Variants in SYT10 observed in about 807,000 individuals in gnomAD.
The protein encoded by SYT10 is synaptotagmin-10.
Under a neutral mutation model 51.1 loss-of-function variants are expected in SYT10, and 31 were observed. That is an observed-to-expected ratio of 0.61 (90% CI 0.46 to 0.82). SYT10 has a LOEUF of 0.82. Among genes scored for constraint, SYT10 ranks in the 40% least tolerant of loss-of-function variants. The pLI is 0.00. For missense variants in SYT10, 603 were observed against 634.0 expected, an observed-to-expected ratio of 0.95 and a Z score of 0.53; for synonymous variants, 233 against 225.9, an observed-to-expected ratio of 1.03 and a Z score of -0.28.
rs530988846 is a variant in SYT10 at position 33,376,784 on chromosome 12, G to C, written c.*46C>G. Reference sequence around the variant, plus strand: ...TTCCACTTTTTTTCTGATTCAATGAGCACGTGATCCTAGATGCTTAATATC... The same window carrying C: ...TTCCACTTTTTTTCTGATTCAATGACCACGTGATCCTAGATGCTTAATATC... On this transcript the variant is annotated 3_prime_UTR_variant, in exon 7 of 7. Coordinates refer to ENST00000228567, the MANE Select transcript of SYT10 (RefSeq NM_198992.4). The C allele has an allele frequency of 2.8e-5, 45 of 1,605,008 alleles. 1 individual carries two copies. The South Asian group carries it at 4.5e-4, about 16-fold the overall frequency.
At chr12:33,431,963 T>G (rs1355407329) in intron 1 of SYT10, among the ~76,000 whole-genome samples, 1 of 152,156 alleles carries the variant, frequency 6.6e-6, no homozygotes, top group Admixed American at 6.5e-5. Flanking sequence ...ACACTTTTTA[T>G]GGCATAGAAT....
chr12:33,390,125 G>A (rs910102692), intron 3 of SYT10, among the ~76,000 whole-genome samples: 1 of 152,200 alleles, frequency 6.6e-6, no homozygotes, highest in Admixed American at 6.5e-5. Context: ...GTCTGGTCAA[G>A]CCCTTTCAGG....
At chr12:33,411,715 T>G (rs1339081388) in intron 2 of SYT10, among the ~76,000 whole-genome samples, 1 of 152,072 alleles carries the variant, frequency 6.6e-6, no homozygotes, top group Non-Finnish European at 1.5e-5. Flanking sequence ...AGTATACACA[T>G]AAAAAAGTCT....
intron 2 of SYT10, among the ~76,000 whole-genome samples, chr12:33,418,336 C>T (rs1009367700): frequency 1.3e-5 from 2 of 152,136 alleles, no homozygotes; most frequent in Admixed American, 6.6e-5. Context: ...AACCTCTCAA[C>T]GCTCAGAAAT....
intron 3 of SYT10, among the ~76,000 whole-genome samples, chr12:33,403,381 G>A (rs1239959406): frequency 6.6e-6 from 1 of 151,716 alleles, no homozygotes; most frequent in East Asian, 1.9e-4. Flanking sequence ...ACAGCTGCTT[G>A]CCACCATGCC....
rs71068378 is a variant in SYT10, at chr12:33,392,985, T to TAAAAAAAAAAAAAAA, written c.1078-7709_1078-7695dup. ...CAAAAATAATTGTGGTTTTTGCCATTAAAAAAAAAAAAAAAAAAAAAAAAA... is the reference window on the plus strand; with the variant it reads ...CAAAAATAATTGTGGTTTTTGCCATTAAAAAAAAAAAAAAAAAAAAAAAAAAAAAAAAAAAAAAAA... On this transcript the variant is annotated intron_variant, in intron 3 of 6. Coordinates refer to ENST00000228567, the MANE Select transcript of SYT10 (RefSeq NM_198992.4). Among the ~76,000 whole-genome samples, 59 of 59,080 alleles carry TAAAAAAAAAAAAAAA rather than the reference T, an allele frequency of 1.0e-3. 1 individual carries two copies. Among genetic ancestry groups the TAAAAAAAAAAAAAAA allele is most frequent in the East Asian group, 4.6e-3 (5 of 1,080 alleles). The allele number at this position is 59,080 out of a possible 152,430, so 38.8% of individuals were successfully genotyped here. A position where few individuals can be genotyped will look rare whatever the true frequency, so the allele number is the denominator to read the frequency against.
chr12:33,419,474 G>C (rs1445125229), intron 2 of SYT10, among the ~76,000 whole-genome samples: 3 of 152,126 alleles, frequency 2.0e-5, no homozygotes, highest in Non-Finnish European at 4.4e-5. Context: ...TATTTAAAGA[G>C]ATAGCTAAAA....
intron 3 of SYT10, among the ~76,000 whole-genome samples, chr12:33,389,490 A>C (rs1247260989): frequency 6.6e-6 from 1 of 152,172 alleles, no homozygotes; most frequent in Non-Finnish European, 1.5e-5. Flanking sequence ...TATTTGAAAA[A>C]AAATTTCTTT....
At chr12:33,423,914 T>G in intron 2 of SYT10, 1 of 455,542 alleles carries the variant, frequency 2.2e-6, no homozygotes, top group South Asian at 1.6e-5. Context: ...ACTTACTTCA[T>G]GCAGGTTGGT....
chr12:33,422,820 C>T (rs1176074515), intron 2 of SYT10, among the ~76,000 whole-genome samples: 3 of 152,198 alleles, frequency 2.0e-5, no homozygotes, highest in East Asian at 1.9e-4. Flanking sequence ...CATCACATAG[C>T]TGGCACTTGT....
chr12:33,385,159 T>C lies in SYT10; in HGVS notation c.1198+12A>G. On this transcript the variant is annotated intron_variant, in intron 4 of 6. Coordinates refer to ENST00000228567, the MANE Select transcript of SYT10 (RefSeq NM_198992.4). ...GATTGTGCCCTTGGTCCTGTGGCCA[T>C]TGTGTACATACCTGATGAGCCAGTA... 6.2e-7 allele frequency: 1 copy of C among 1,612,744 alleles called. No individual in the cohort carries two copies. The highest frequency in any genetic ancestry group is 8.5e-7 in the Non-Finnish European group (1 of 1,179,328).
chr12:33,420,355 A>G (rs1326472890), intron 2 of SYT10, among the ~76,000 whole-genome samples: 1 of 152,162 alleles, frequency 6.6e-6, no homozygotes, highest in Non-Finnish European at 1.5e-5. Context: ...GATTCCTGTG[A>G]CTAATAAAAT....
At chr12:33,411,439 T>C (rs1013231353) in intron 2 of SYT10, among the ~76,000 whole-genome samples, 2 of 152,136 alleles carry the variant, frequency 1.3e-5, no homozygotes, top group African/African-American at 4.8e-5. Context: ...ATCAGACCAT[T>C]GTGTACAAAA....
At chr12:33,426,553 T>C in intron 1 of SYT10, 58 bp from the exon 2 acceptor site, 2 of 1,341,688 alleles carry the variant, frequency 1.5e-6, no homozygotes, top group East Asian at 2.6e-5. Context: ...AAAGCAGAAA[T>C]GGAAAGAATA....
At chr12:33,423,446 T>C (rs1168776681) in intron 2 of SYT10, among the ~76,000 whole-genome samples, 1 of 152,120 alleles carries the variant, frequency 6.6e-6, no homozygotes, top group Non-Finnish European at 1.5e-5. Context: ...ACCCTTGATC[T>C]CTGTGTTCAT....
At chr12:33,434,836 A>C (rs1204761300) in intron 1 of SYT10, among the ~76,000 whole-genome samples, 2 of 152,162 alleles carry the variant, frequency 1.3e-5, no homozygotes, top group Non-Finnish European at 2.9e-5. Flanking sequence ...GTAAATAAAT[A>C]AAGTAGCTAG....
intron 3 of SYT10, among the ~76,000 whole-genome samples, chr12:33,394,077 A>G (rs1866233316): frequency 6.6e-6 from 1 of 152,154 alleles, no homozygotes; most frequent in South Asian, 2.1e-4. Context: ...TTAGCAGTCT[A>G]CTTGTTATGA....
chr12:33,439,164 C>A (rs760373357), intron 1 of SYT10, among the ~76,000 whole-genome samples: 9 of 152,254 alleles, frequency 5.9e-5, no homozygotes, highest in Admixed American at 1.3e-4. Flanking sequence ...ATGGGAGAAG[C>A]CCGGCAGGTG....
intron 3 of SYT10, among the ~76,000 whole-genome samples, chr12:33,396,750 C>A (rs961618547): frequency 6.6e-6 from 1 of 150,530 alleles, no homozygotes; most frequent in Non-Finnish European, 1.5e-5. Flanking sequence ...GTGGCGCGAT[C>A]TTGGCTCACT....
Sources: gnomAD v4.1 joint callset for allele counts (sites outside exome capture counted in the v4.1 genomes callset) on GRCh38, gnomAD v4.1.1 for gene constraint, MANE v1.5 for transcripts, NCBI Gene and HGNC (gene_info 2026-07-23, HGNC 2026-07-21) for gene names.